The following GALNTL6 variants were observed in gnomAD, a reference collection of about 807,000 sequenced individuals.
The protein encoded by GALNTL6 is polypeptide N-acetylgalactosaminyltransferase-like 6.
In GALNTL6, 46 loss-of-function variants were observed where a neutral mutation model predicts 73.7. The observed-to-expected ratio is 0.62, with a 90% CI of 0.49 to 0.80. The LOEUF (loss-of-function observed/expected upper bound fraction) is 0.80. Ranked by LOEUF, GALNTL6 falls within the 30% of genes least tolerant of loss-of-function variation. GALNTL6 has a pLI of 0.00. For synonymous variants in GALNTL6, 259 were observed against 263.7 expected, an observed-to-expected ratio of 0.98 and a Z score of 0.17; for missense variants, 604 against 755.0, an observed-to-expected ratio of 0.80 and a Z score of 2.34.
intron 2 of GALNTL6, among the ~76,000 whole-genome samples, chr4:171,962,726 A>G (rs1278948611): frequency 7.1e-6 from 1 of 140,480 alleles, no homozygotes; most frequent in East Asian, 2.1e-4. Flanking sequence ...TGGAGTAGCC[A>G]TTATTTATTC....
intron 8 of GALNTL6, among the ~76,000 whole-genome samples, chr4:172,893,883 A>C (rs1354371385): frequency 6.6e-6 from 1 of 152,154 alleles, no homozygotes; most frequent in Non-Finnish European, 1.5e-5. Flanking sequence ...GATCTCATGT[A>C]TCTAGGATCC....
chr4:172,232,972 T>C (rs1737120132), intron 3 of GALNTL6, among the ~76,000 whole-genome samples: 1 of 152,124 alleles, frequency 6.6e-6, no homozygotes, highest in Non-Finnish European at 1.5e-5. Flanking sequence ...AAACATCTCT[T>C]TATGTATGGT....
chr4:172,418,737 C>T (rs554104224), intron 5 of GALNTL6, among the ~76,000 whole-genome samples: 5 of 152,028 alleles, frequency 3.3e-5, no homozygotes, highest in Admixed American at 1.3e-4. Flanking sequence ...CATTATACTC[C>T]GATACATGGG....
intron 2 of GALNTL6, among the ~76,000 whole-genome samples, chr4:172,131,428 T>TATATAC (rs1251830869): frequency 6.4e-4 from 89 of 138,964 alleles, no homozygotes; most frequent in African/African-American, 2.3e-3. Context: ...TATATATATA[T>TATATAC]ACACACACAC....
At chr4:172,325,489 A>G (rs1740910498) in intron 4 of GALNTL6, among the ~76,000 whole-genome samples, 1 of 151,992 alleles carries the variant, frequency 6.6e-6, no homozygotes, top group Non-Finnish European at 1.5e-5. Flanking sequence ...TGGAGAAGGA[A>G]AAGACATGAG....
intron 2 of GALNTL6, among the ~76,000 whole-genome samples, chr4:172,115,500 G>T (rs1299469080): frequency 6.6e-6 from 1 of 152,090 alleles, no homozygotes; most frequent in Non-Finnish European, 1.5e-5. Flanking sequence ...CTTTTTTAGT[G>T]CAATATGGTT....
intron 2 of GALNTL6, among the ~76,000 whole-genome samples, chr4:171,935,155 A>G (rs559698614): frequency 3.3e-4 from 51 of 152,274 alleles, no homozygotes; most frequent in Admixed American, 1.3e-3. Flanking sequence ...GACAGGTTCC[A>G]GTTAGATTTA....
At chr4:171,891,527 G>A (rs1736762922) in intron 2 of GALNTL6, among the ~76,000 whole-genome samples, 1 of 152,174 alleles carries the variant, frequency 6.6e-6, no homozygotes, top group African/African-American at 2.4e-5. Flanking sequence ...TTGTCTCAAT[G>A]TTAGTCCTGT....
At chr4:171,916,263 A>G (rs13434687) in intron 2 of GALNTL6, among the ~76,000 whole-genome samples, 301 of 152,238 alleles carry the variant, frequency 2.0e-3, no homozygotes, top group African/African-American at 6.9e-3. Context: ...GCTGAAAAAA[A>G]AAGCAAATAC....
intron 5 of GALNTL6, among the ~76,000 whole-genome samples, chr4:172,397,408 A>G (rs1489287510): frequency 6.6e-6 from 1 of 152,128 alleles, no homozygotes; most frequent in Non-Finnish European, 1.5e-5. Flanking sequence ...TCATTGAAAC[A>G]CTGGGAGCCA....
intron 2 of GALNTL6, among the ~76,000 whole-genome samples, chr4:171,872,352 A>T (rs2110896874): frequency 6.6e-6 from 1 of 152,272 alleles, no homozygotes; most frequent in East Asian, 1.9e-4. Flanking sequence ...GTTATTCTAA[A>T]TAATGGCAGT....
intron 5 of GALNTL6, among the ~76,000 whole-genome samples, chr4:172,798,665 A>C (rs945401807): frequency 2.0e-5 from 3 of 152,230 alleles, no homozygotes; most frequent in African/African-American, 7.2e-5. Context: ...ATCTCCCAAA[A>C]GGTTACTTAT....
intron 2 of GALNTL6, among the ~76,000 whole-genome samples, chr4:171,977,559 A>G (rs892216290): frequency 6.6e-5 from 10 of 152,226 alleles, no homozygotes; most frequent in African/African-American, 2.4e-4. Flanking sequence ...TCCTCTTCCT[A>G]TAAGGACACC....
chr4:172,735,669 C>T (rs1269565859), intron 5 of GALNTL6, among the ~76,000 whole-genome samples: 1 of 152,100 alleles, frequency 6.6e-6, no homozygotes, highest in African/African-American at 2.4e-5. Context: ...GCTATGTCTG[C>T]TTCCAAATCT....
intron 10 of GALNTL6, among the ~76,000 whole-genome samples, chr4:172,990,619 A>C (rs1260628195): frequency 1.3e-5 from 2 of 152,016 alleles, no homozygotes; most frequent in African/African-American, 4.8e-5. Flanking sequence ...AAAAACCTGC[A>C]CTCAAAAGCA....
intron 5 of GALNTL6, among the ~76,000 whole-genome samples, chr4:172,462,321 C>CT (rs1732648651): frequency 6.6e-6 from 1 of 152,128 alleles, no homozygotes; most frequent in Non-Finnish European, 1.5e-5. Context: ...GTAATCCTGA[C>CT]TAATAGAAGC....
At chr4:172,365,690 C>T (rs1435453374) in intron 5 of GALNTL6, among the ~76,000 whole-genome samples, 1 of 149,824 alleles carries the variant, frequency 6.7e-6, no homozygotes, top group Non-Finnish European at 1.5e-5. Flanking sequence ...ATCTCCAAAC[C>T]TAATGTGGGA....
intron 5 of GALNTL6, among the ~76,000 whole-genome samples, chr4:172,500,965 T>C (rs1579133710): frequency 6.6e-6 from 1 of 152,320 alleles, no homozygotes. Flanking sequence ...TGGTAAATTG[T>C]CAAAACCAGT....
intron 5 of GALNTL6, among the ~76,000 whole-genome samples, chr4:172,629,408 C>T (rs952172736): frequency 1.3e-5 from 2 of 152,012 alleles, no homozygotes; most frequent in African/African-American, 2.4e-5. Context: ...ATGTGAGAAT[C>T]GGAATTGAAT....
Sources: allele counts gnomAD v4.1 joint callset (sites outside exome capture counted in the v4.1 genomes callset), GRCh38; gene constraint gnomAD v4.1.1; transcripts MANE v1.5; gene names NCBI Gene and HGNC (gene_info 2026-07-23, HGNC 2026-07-21).